Variants in SLC6A15 observed in about 807,000 individuals in gnomAD.
SLC6A15 encodes the protein solute carrier family 6 member 15.
SLC6A15 carries 33 observed loss-of-function variants against 68.5 expected under a neutral mutation model. The observed-to-expected ratio is 0.48, with a 90% CI of 0.37 to 0.64. The LOEUF (loss-of-function observed/expected upper bound fraction) is 0.64. Among genes scored for constraint, SLC6A15 ranks in the 30% least tolerant of loss-of-function variants. The pLI is 0.00. For missense variants in SLC6A15, 747 were observed against 874.3 expected (o/e 0.85, Z 1.84); for synonymous variants, 347 against 301.0 (o/e 1.15, Z -1.58).
intron 1 of SLC6A15, among the ~76,000 whole-genome samples, chr12:84,895,142 C>T (rs2120690862): frequency 6.6e-6 from 1 of 151,878 alleles, no homozygotes; most frequent in South Asian, 2.1e-4. Flanking sequence ...TTGTAATTAA[C>T]ATTAAAATAT....
chr12:84,894,559 A>T (rs547150760), intron 1 of SLC6A15, among the ~76,000 whole-genome samples: 1 of 152,158 alleles, frequency 6.6e-6, no homozygotes, highest in African/African-American at 2.4e-5. Flanking sequence ...CAAAGAAAAA[A>T]AATTTTAAAT....
rs1416485046 is a variant in SLC6A15, at chr12:84,872,655, C to T, written c.1249G>A (p.Glu417Lys). Residue 417 changes from glutamate to lysine, a missense_variant, in exon 8 of 12, where the codon GAG (glutamate) becomes AAG (lysine). By Grantham distance (56) the Glu-to-Lys change is moderately conservative. Coordinates refer to ENST00000266682, the MANE Select transcript of SLC6A15 (RefSeq NM_182767.6). ...GAATTGAGATGAAGAGCAGGAAACT[C>T]TTCTTCTTTCACTTTTTGAATGATG... Reference protein sequence around the residue: ...YDIIQKVKEEEFPALHLNSCK... With the variant: ...YDIIQKVKEEKFPALHLNSCK... 6 of 1,611,374 alleles carry T rather than the reference C, an allele frequency of 3.7e-6. No individual in the cohort carries two copies. The highest frequency in any genetic ancestry group is 1.1e-5 in the South Asian group (1 of 90,468).
chr12:84,888,939 A>ATGGTTACTGGC (rs1872249454), intron 2 of SLC6A15, among the ~76,000 whole-genome samples: 1 of 152,096 alleles, frequency 6.6e-6, no homozygotes. Context: ...AAGGTGGGTC[A>ATGGTTACTGGC]TAGAAACTAG....
chr12:84,893,488 A>C (rs1013796876), intron 1 of SLC6A15, among the ~76,000 whole-genome samples: 4 of 152,096 alleles, frequency 2.6e-5, no homozygotes, highest in African/African-American at 4.8e-5. Context: ...CCAAGTAAAT[A>C]TATAAGACAT....
rs200159604 is a variant in SLC6A15, at chr12:84,870,434, T to C, written c.1495+44A>G. 9.1e-5 allele frequency: 123 copies of C among 1,348,674 alleles called. No homozygotes were observed. The African/African-American group carries it at 1.7e-3, about 18-fold the overall frequency. The allele number at this position is 1,348,674 out of a possible 1,614,324, so 83.5% of individuals were successfully genotyped here. On this transcript the variant is annotated intron_variant, in intron 9 of 11. Coordinates refer to ENST00000266682, the MANE Select transcript of SLC6A15 (RefSeq NM_182767.6). The stretch of plus-strand genomic sequence containing the variant: ...CTCTAATCTTTCACCAAGAATAAAA[T>C]GGCCTGGATTTGTTCAATGAAAAGT...
intron 7 of SLC6A15, 76 bp downstream of exon 7, chr12:84,873,011 C>G: frequency 6.8e-7 from 1 of 1,480,184 alleles, no homozygotes; most frequent in Non-Finnish European, 9.1e-7. Flanking sequence ...ATATGTATAG[C>G]TATCATGTAT....
At chr12:84,867,807 C>G (rs1871123105) in intron 9 of SLC6A15, 1 of 152,146 alleles carries the variant, frequency 6.6e-6, no homozygotes, top group Non-Finnish European at 1.5e-5. Context: ...GTTGAGCAAT[C>G]TGATCATCCA....
intron 6 of SLC6A15, among the ~76,000 whole-genome samples, chr12:84,875,984 T>G (rs2949797): frequency 1 from 151,757 of 151,758 alleles, 75,878 homozygotes; most frequent in Middle Eastern, 1. Flanking sequence ...AGAAAACACT[T>G]ATTTTCTCTG....
intron 1 of SLC6A15, among the ~76,000 whole-genome samples, chr12:84,907,043 T>C (rs960862253): frequency 2.0e-5 from 3 of 151,910 alleles, no homozygotes; most frequent in Non-Finnish European, 4.4e-5. Context: ...TTAGGATATA[T>C]AAAGAACTCT....
At chr12:84,883,484 G>A in intron 5 of SLC6A15, 1 of 1,211,686 alleles carries the variant, frequency 8.3e-7, no homozygotes, top group Non-Finnish European at 1.0e-6. Flanking sequence ...CAAACAAAAT[G>A]AATGAATTAC....
intron 6 of SLC6A15, among the ~76,000 whole-genome samples, chr12:84,873,673 T>C (rs1871389422): frequency 6.6e-6 from 1 of 152,214 alleles, no homozygotes; most frequent in Admixed American, 6.5e-5. Flanking sequence ...CTTTTTTTCT[T>C]TCCATAGCAA....
intron 6 of SLC6A15, among the ~76,000 whole-genome samples, chr12:84,874,929 A>G (rs1871449781): frequency 6.6e-6 from 1 of 152,210 alleles, no homozygotes; most frequent in South Asian, 2.1e-4. Context: ...GAAATGTAAT[A>G]GAGTCTTATC....
intron 8 of SLC6A15, 42 bp from the exon 9 acceptor site, chr12:84,870,712 A>G (rs1466522044): frequency 3.2e-6 from 4 of 1,258,688 alleles, no homozygotes; most frequent in Admixed American, 4.2e-5. Flanking sequence ...CAGAGTAATT[A>G]TTAAACAATG....
chr12:84,863,627 ATTCCT>A, intron 10 of SLC6A15, 26 bp from the exon 11 acceptor site: 3 of 1,468,114 alleles, frequency 2.0e-6, no homozygotes, highest in Non-Finnish European at 2.7e-6. Flanking sequence ...GTATTTAATT[ATTCCT>A]TAATTTAATA....
chr12:84,884,534 G>T (rs926023428), intron 4 of SLC6A15, among the ~76,000 whole-genome samples: 1 of 152,158 alleles, frequency 6.6e-6, no homozygotes, highest in African/African-American at 2.4e-5. Flanking sequence ...TCAAACTCCT[G>T]ACCTCAGGGG....
intron 5 of SLC6A15, chr12:84,880,794 T>C (rs1871786245): frequency 1.9e-6 from 1 of 539,942 alleles, no homozygotes; most frequent in Non-Finnish European, 2.4e-6. Flanking sequence ...AAAGATTGTA[T>C]AAAACATTTT....
At chr12:84,905,774 G>C (rs563149541) in intron 1 of SLC6A15, among the ~76,000 whole-genome samples, 62 of 152,222 alleles carry the variant, frequency 4.1e-4, no homozygotes, top group African/African-American at 1.4e-3. Flanking sequence ...CATAAATCAA[G>C]AAACAAGAAA....
At chr12:84,912,243 G>A (rs776837595) in intron 1 of SLC6A15, among the ~76,000 whole-genome samples, 1 of 152,054 alleles carries the variant, frequency 6.6e-6, no homozygotes, top group African/African-American at 2.4e-5. Context: ...AAAGGATGGC[G>A]GCACGTTTCA....
chr12:84,881,979 T>C (rs1454267428), intron 5 of SLC6A15: 1 of 982,014 alleles, frequency 1.0e-6, no homozygotes, highest in Non-Finnish European at 1.2e-6. Context: ...GGCATTCTCA[T>C]TAAAATAATA....
Sources: gnomAD v4.1 joint callset for allele counts (sites outside exome capture counted in the v4.1 genomes callset) on GRCh38, gnomAD v4.1.1 for gene constraint, MANE v1.5 for transcripts, NCBI Gene and HGNC (gene_info 2026-07-23, HGNC 2026-07-21) for gene names.